The following GALNT13 variants were observed in gnomAD, a reference collection of about 807,000 sequenced individuals.
The protein encoded by GALNT13 is UDP-GalNAc:polypeptide N-acetylgalactosaminyltransferase 13.
Under a neutral mutation model 64.2 loss-of-function variants are expected in GALNT13, and 28 were observed. The observed-to-expected ratio is 0.44, with a 90% CI of 0.32 to 0.60. The LOEUF (loss-of-function observed/expected upper bound fraction) is 0.60. Among genes scored for constraint, GALNT13 ranks in the 20% least tolerant of loss-of-function variants. The probability of loss-of-function intolerance (pLI) is 0.05; values close to 1 mark genes in which losing one functional copy is unlikely to be tolerated. For missense variants in GALNT13, 577 were observed against 669.8 expected, an observed-to-expected ratio of 0.86 and a Z score of 1.53; for synonymous variants, 214 against 224.6, an observed-to-expected ratio of 0.95 and a Z score of 0.42.
At chr2:154,199,723 T>C (rs1035483472) in intron 4 of GALNT13, among the ~76,000 whole-genome samples, 1 of 152,034 alleles carries the variant, frequency 6.6e-6, no homozygotes, top group Non-Finnish European at 1.5e-5. Flanking sequence ...GACATAAAAC[T>C]GGAGATTGTA....
chr2:153,574,962 C>G, the GALNT13 span, among the ~76,000 whole-genome samples: 1 of 152,004 alleles, frequency 6.6e-6, no homozygotes, highest in Non-Finnish European at 1.5e-5. Flanking sequence ...AAGGGTTAGT[C>G]ATTTATTGTA....
the GALNT13 span, among the ~76,000 whole-genome samples, chr2:153,295,131 C>T: frequency 6.6e-6 from 1 of 152,102 alleles, no homozygotes; most frequent in Non-Finnish European, 1.5e-5. Context: ...CTGTGATCCT[C>T]TCTGAATATT....
At chr2:153,692,438 T>C in the GALNT13 span, among the ~76,000 whole-genome samples, 1 of 152,212 alleles carries the variant, frequency 6.6e-6, no homozygotes, top group East Asian at 1.9e-4. Flanking sequence ...ATATATGTGA[T>C]TATTCCTTTT....
At chr2:153,177,102 A>G in the GALNT13 span, among the ~76,000 whole-genome samples, 1 of 151,482 alleles carries the variant, frequency 6.6e-6, no homozygotes, top group Non-Finnish European at 1.5e-5. Context: ...TACAAATAGC[A>G]TTGATTAATA....
chr2:154,336,822 C>T (rs1379159653), intron 9 of GALNT13, among the ~76,000 whole-genome samples: 1 of 152,044 alleles, frequency 6.6e-6, no homozygotes, highest in Non-Finnish European at 1.5e-5. Flanking sequence ...TTAGCACTCT[C>T]TCTGCAGTGG....
At chr2:153,478,023 A>C in the GALNT13 span, 1 of 566,686 alleles carries the variant, frequency 1.8e-6, no homozygotes, top group Non-Finnish European at 3.1e-6. Flanking sequence ...CTTTCTGCTG[A>C]GTTCAGAGTC....
At chr2:153,405,850 C>G in the GALNT13 span, among the ~76,000 whole-genome samples, 4 of 152,146 alleles carry the variant, frequency 2.6e-5, no homozygotes, top group South Asian at 8.3e-4. Context: ...TTTCCCCCAA[C>G]TCAGTCCTTA....
chr2:154,296,868 C>T (rs1692955707), intron 8 of GALNT13, among the ~76,000 whole-genome samples: 1 of 152,008 alleles, frequency 6.6e-6, no homozygotes, highest in Non-Finnish European at 1.5e-5. Flanking sequence ...TTTGCTGCAT[C>T]CATCAACCCG....
chr2:153,831,772 G>T, the GALNT13 span, among the ~76,000 whole-genome samples: 233 of 152,152 alleles, frequency 1.5e-3, no homozygotes, highest in African/African-American at 5.4e-3. Flanking sequence ...GTCCTGATTG[G>T]GTTCATTTGC....
At chr2:153,687,577 C>T in the GALNT13 span, among the ~76,000 whole-genome samples, 2 of 151,780 alleles carry the variant, frequency 1.3e-5, no homozygotes, top group Non-Finnish European at 2.9e-5. Context: ...TTCTTTTCCA[C>T]CTTTTAAAAT....
At chr2:153,701,805 G>C in the GALNT13 span, among the ~76,000 whole-genome samples, 2 of 152,248 alleles carry the variant, frequency 1.3e-5, no homozygotes, top group South Asian at 2.1e-4. Context: ...AGTCAAAATG[G>C]CAATTATTAA....
Position 154,232,869 on chromosome 2 carries a change from C to T in GALNT13, c.312-9161C>T, listed in dbSNP as rs78225317. ...GCAACATTGTGAGACTTTGTCGCTACAAAAAAAAAAAAAATTACAAAAATA... is the reference window on the plus strand; with the variant it reads ...GCAACATTGTGAGACTTTGTCGCTATAAAAAAAAAAAAAATTACAAAAATA... On this transcript the variant is annotated intron_variant, in intron 4 of 12. Transcript: ENST00000392825. Among the ~76,000 whole-genome samples the T allele has an allele frequency of 2.5e-5, 3 of 119,764 alleles. 1 individual carries two copies. Among genetic ancestry groups the T allele is most frequent in the Non-Finnish European group, 5.4e-5 (3 of 55,834 alleles). The allele number at this position is 119,764 out of a possible 152,430, so 78.6% of individuals were successfully genotyped here. A position where few individuals can be genotyped will look rare whatever the true frequency, so the allele number is the denominator to read the frequency against.
chr2:153,391,956 A>G, the GALNT13 span, among the ~76,000 whole-genome samples: 1 of 149,628 alleles, frequency 6.7e-6, no homozygotes, highest in Non-Finnish European at 1.5e-5. Context: ...TACTATCTAT[A>G]TTTTATAATA....
At chr2:153,713,477 C>T in the GALNT13 span, among the ~76,000 whole-genome samples, 115 of 152,190 alleles carry the variant, frequency 7.6e-4, no homozygotes, top group African/African-American at 2.6e-3. Context: ...CATGTTCTGC[C>T]ATAAGGAGAC....
chr2:154,450,746 A>T lies in GALNT13; in HGVS notation c.*195A>T. 1 of 489,728 alleles carries T rather than the reference A, an allele frequency of 2.0e-6. No individual in the cohort carries two copies. The highest frequency in any genetic ancestry group is 3.5e-6 in the Non-Finnish European group (1 of 281,966). 30.3% of individuals were successfully genotyped at this position (489,728 alleles called of 1,614,324 possible). On this transcript the variant is annotated 3_prime_UTR_variant, in exon 13 of 13. Coordinates refer to ENST00000392825, the MANE Select transcript of GALNT13 (RefSeq NM_052917.4). ...AAATTTGTATCTGATCAAAGCACAT[A>T]AGAATATAAATAATAGCAAACTACT...
chr2:153,977,371 G>A, intron 3 of GALNT13, among the ~76,000 whole-genome samples: 1 of 152,224 alleles, frequency 6.6e-6, no homozygotes, highest in East Asian at 1.9e-4. Flanking sequence ...CCTCAAGGCT[G>A]GAGAAACCTC....
At chr2:154,235,305 T>C (rs1166104189) in intron 4 of GALNT13, among the ~76,000 whole-genome samples, 1 of 152,190 alleles carries the variant, frequency 6.6e-6, no homozygotes, top group African/African-American at 2.4e-5. Context: ...CAAGTAATTA[T>C]GACATAGAAA....
the GALNT13 span, among the ~76,000 whole-genome samples, chr2:153,487,336 A>C: frequency 6.6e-6 from 1 of 152,230 alleles, no homozygotes; most frequent in African/African-American, 2.4e-5. Context: ...GACAAATATT[A>C]AAAGTCAATG....
chr2:153,176,014 A>G, the GALNT13 span, among the ~76,000 whole-genome samples: 11 of 152,310 alleles, frequency 7.2e-5, no homozygotes, highest in East Asian at 2.1e-3. Context: ...AGAGAGAGGG[A>G]GTGAATCAAA....
Sources: allele counts gnomAD v4.1 joint callset (sites outside exome capture counted in the v4.1 genomes callset), GRCh38; gene constraint gnomAD v4.1.1; transcripts MANE v1.5; gene names NCBI Gene and HGNC (gene_info 2026-07-23, HGNC 2026-07-21).